The following PCTP variants were observed in gnomAD, a reference collection of about 807,000 sequenced individuals.
PCTP encodes phosphatidylcholine transfer protein.
PCTP carries 27 observed loss-of-function variants against 31.0 expected under a neutral mutation model. That is an observed-to-expected ratio of 0.87 (90% CI 0.64 to 1.20). The LOEUF (loss-of-function observed/expected upper bound fraction) is 1.20, where lower values mean the gene tolerates loss of function less well. PCTP is among the 50% of genes most tolerant of loss of function. The pLI, the probability that PCTP is intolerant of heterozygous loss-of-function variation, is 0.00. For synonymous variants in PCTP, 108 were observed against 101.2 expected, an observed-to-expected ratio of 1.07 and a Z score of -0.40; for missense variants, 287 against 268.2, an observed-to-expected ratio of 1.07 and a Z score of -0.49.
downstream of PCTP, among the ~76,000 whole-genome samples, chr17:55,844,909 G>A (rs1906095370): frequency 6.6e-6 from 1 of 151,594 alleles, no homozygotes; most frequent in Non-Finnish European, 1.5e-5. Context: ...CCAACATGGT[G>A]AAACCCTGTC....
chr17:55,829,987 CTG>C (rs1216585331), intron 5 of PCTP, among the ~76,000 whole-genome samples: 22 of 152,312 alleles, frequency 1.4e-4, no homozygotes, highest in African/African-American at 4.8e-4. Flanking sequence ...CTCCTATCGT[CTG>C]TGTTTTTATG....
chr17:55,789,389 G>A (rs1315265545), intron 3 of PCTP, among the ~76,000 whole-genome samples: 1 of 152,128 alleles, frequency 6.6e-6, no homozygotes, highest in African/African-American at 2.4e-5. Context: ...TTCAGATACA[G>A]GATTAATGTT....
chr17:55,800,039 T>A (rs946034071), intron 3 of PCTP, among the ~76,000 whole-genome samples: 1 of 152,082 alleles, frequency 6.6e-6, no homozygotes, highest in Admixed American at 6.6e-5. Flanking sequence ...GTGAATCTGA[T>A]GATTATATGT....
At chr17:55,775,573 G>C in intron 5 of PCTP, 1 of 1,161,166 alleles carries the variant, frequency 8.6e-7, no homozygotes, top group East Asian at 3.3e-5. Flanking sequence ...ACTGCATAGA[G>C]GGGGAGTAAA....
At chr17:55,758,542 A>G (rs893713810) in intron 1 of PCTP, among the ~76,000 whole-genome samples, 3 of 152,178 alleles carry the variant, frequency 2.0e-5, no homozygotes, top group Non-Finnish European at 4.4e-5. Context: ...AGGATTGTAA[A>G]ACTGTTCTGC....
At chr17:55,817,138 C>A in intron 3 of PCTP, among the ~76,000 whole-genome samples, 1 of 152,038 alleles carries the variant, frequency 6.6e-6, no homozygotes, top group Non-Finnish European at 1.5e-5. Context: ...AAAAAAATAC[C>A]CAGTGGTTCA....
Position 55,751,227 on chromosome 17 carries a change from T to C in PCTP, c.124T>C (p.Tyr42His). Residue 42 changes from tyrosine to histidine, a missense_variant, in exon 1 of 6, where the codon TAC becomes CAC. Transcript: ENST00000268896. ...LLVETSGISI[Y>H]RLLDKKTGLY... ...AGTGGAGACCTCGGGCATCAGCATC[T>C]ACCGGCTGCTGGACAAGGTAGCGGC... The C allele has an allele frequency of 1.9e-6, 3 of 1,544,380 alleles. No individual in the cohort carries two copies. In the Middle Eastern group the frequency reaches 5.1e-4, roughly 262 times the overall value.
In PCTP at chr17:55,751,175, T is replaced by G; in HGVS notation, c.72T>G (p.Ala24=). ...CCTGCGCCGAGCTCCAGCAGCCCGC[T>G]CTGGCCGGGGCCGACTGGCAGCTCC... ...WEACAELQQP[A]LAGADWQLLV... Residue 24 remains alanine, a synonymous_variant, in exon 1 of 6, where the codon GCT becomes GCG. Transcript: ENST00000268896. 6.5e-7 allele frequency: 1 copy of G among 1,548,690 alleles called. No homozygotes were observed. Among genetic ancestry groups the G allele is most frequent in the Non-Finnish European group, 8.7e-7 (1 of 1,146,220 alleles).
chr17:55,776,210 G>T lies in PCTP; in HGVS notation c.*110G>T. On this transcript the variant is annotated 3_prime_UTR_variant, in exon 6 of 6. Coordinates refer to ENST00000268896, the MANE Select transcript of PCTP (RefSeq NM_021213.4). ...GTGCCACCTGGAAGTGTCTCTGGAAGAGCACCCACCACTGTTCAGCCTTCC... is the reference window on the plus strand; with the variant it reads ...GTGCCACCTGGAAGTGTCTCTGGAATAGCACCCACCACTGTTCAGCCTTCC... 6.6e-7 allele frequency: 1 copy of T among 1,519,376 alleles called. No homozygotes were observed. The highest frequency in any genetic ancestry group is 8.8e-7 in the Non-Finnish European group (1 of 1,133,468). The allele number at this position is 1,519,376 out of a possible 1,614,324, so 94.1% of individuals were successfully genotyped here.
Position 55,776,994 on chromosome 17 carries a change from C to A in PCTP, c.*894C>A. On this transcript the variant is annotated 3_prime_UTR_variant, in exon 6 of 6. Coordinates refer to ENST00000268896, the MANE Select transcript of PCTP (RefSeq NM_021213.4). ...TATGCAATAAGATGAATTTTCCTCC[C>A]AGAATATTTAGAAATGTAGAAGGGA... 1.0e-6 allele frequency: 1 copy of A among 985,664 alleles called. No individual in the cohort carries two copies. The highest frequency in any genetic ancestry group is 1.2e-6 in the Non-Finnish European group (1 of 829,990). The allele number at this position is 985,664 out of a possible 1,614,324, so 61.1% of individuals were successfully genotyped here.
At chr17:55,775,614 G>A in intron 5 of PCTP, 2 of 1,194,644 alleles carry the variant, frequency 1.7e-6, no homozygotes, top group East Asian at 3.4e-5. Context: ...GTCTTGCCCA[G>A]TGCTCAACAT....
chr17:55,824,695 A>T (rs1905337359), downstream of PCTP, among the ~76,000 whole-genome samples: 1 of 152,152 alleles, frequency 6.6e-6, no homozygotes, highest in African/African-American at 2.4e-5. Flanking sequence ...CTCCTTGCAG[A>T]ACAAATTTAG....
At chr17:55,803,295 T>C (rs1336546425) in intron 3 of PCTP, among the ~76,000 whole-genome samples, 1 of 152,230 alleles carries the variant, frequency 6.6e-6, no homozygotes, top group Non-Finnish European at 1.5e-5. Flanking sequence ...CAAAGGAATT[T>C]ATAGAGGTAA....
exon 4 of PCTP, chr17:55,822,837 A>C: frequency 8.1e-7 from 1 of 1,229,376 alleles, no homozygotes; most frequent in Non-Finnish European, 1.0e-6. Context: ...AACATTCTGC[A>C]ATAGATTGAG....
chr17:55,754,286 A>G (rs1815599923), intron 1 of PCTP, among the ~76,000 whole-genome samples: 1 of 152,208 alleles, frequency 6.6e-6, no homozygotes, highest in Non-Finnish European at 1.5e-5. Flanking sequence ...CTGGCTGTAA[A>G]TAGGGGATCC....
intron 3 of PCTP, among the ~76,000 whole-genome samples, chr17:55,796,637 A>G (rs1912197301): frequency 6.6e-6 from 1 of 151,944 alleles, no homozygotes; most frequent in African/African-American, 2.4e-5. Flanking sequence ...GACAACTTCA[A>G]TGTATGGGAG....
At chr17:55,779,754 A>G (rs992023902), downstream of PCTP, among the ~76,000 whole-genome samples, 2 of 152,206 alleles carry the variant, frequency 1.3e-5, no homozygotes, top group African/African-American at 4.8e-5. Flanking sequence ...AAGGTGCTTT[A>G]AGCCCTATTA....
In PCTP at chr17:55,831,135, C is replaced by T. The variant is rs148607834; in HGVS notation, n.505+8208C>T. 5.3e-4 allele frequency among the ~76,000 whole-genome samples: 81 copies of T among 152,290 alleles called. No homozygotes were observed. In the East Asian group the frequency reaches 0.011, roughly 21 times the overall value. On this transcript the variant is annotated intron_variant and non_coding_transcript_variant, in intron 5 of 5. Transcript: ENST00000576221. ...AGACCGGAGAGCTTTTCTTCTTCTC[C>T]TCCCACTTTCCCTCCAAAAGCAGCA...
chr17:55,848,249 C>T, the PCTP span, among the ~76,000 whole-genome samples: 1 of 152,170 alleles, frequency 6.6e-6, no homozygotes, highest in African/African-American at 2.4e-5. Flanking sequence ...AACCTGCAGC[C>T]TAGTCAAGTT....
Sources: allele counts gnomAD v4.1 joint callset (sites outside exome capture counted in the v4.1 genomes callset), GRCh38; gene constraint gnomAD v4.1.1; transcripts MANE v1.5; gene names NCBI Gene and HGNC (gene_info 2026-07-23, HGNC 2026-07-21).